The following RFX3 variants were observed in gnomAD, a reference collection of about 807,000 sequenced individuals.
RFX3 encodes transcription factor RFX3.
In RFX3, 14 loss-of-function variants were observed where a neutral mutation model predicts 98.6. That is an observed-to-expected ratio of 0.14 (90% CI 0.09 to 0.22). RFX3 has a LOEUF of 0.22. Ranked by LOEUF, RFX3 falls within the 10% of genes least tolerant of loss-of-function variation. The pLI, the probability that RFX3 is intolerant of heterozygous loss-of-function variation, is 1.00. For synonymous variants in RFX3, 383 were observed against 328.4 expected (o/e 1.17, Z -1.80); for missense variants, 639 against 926.9 (o/e 0.69, Z 4.03).
rs561579725 is a variant in RFX3, at chr9:3,375,777, G to T, written c.117+19695C>A. ...AGATCGAGACCATCCTGGCTAACACGGTGAAACCCCGCCTCTACTAAAAAT... is the reference window on the plus strand; with the variant it reads ...AGATCGAGACCATCCTGGCTAACACTGTGAAACCCCGCCTCTACTAAAAAT... On this transcript the variant is annotated intron_variant, in intron 2 of 16. Transcript: ENST00000617270. 1.1e-4 allele frequency among the ~76,000 whole-genome samples: 17 copies of T among 152,110 alleles called. 1 individual carries two copies. The South Asian group carries it at 3.5e-3, about 32-fold the overall frequency.
At chr9:3,294,020 GT>G (rs548023638) in intron 5 of RFX3, among the ~76,000 whole-genome samples, 222 of 152,158 alleles carry the variant, frequency 1.5e-3, no homozygotes, top group Non-Finnish European at 2.7e-3. Flanking sequence ...ACATTCTAAA[GT>G]TTTATGTTAT....
At chr9:3,276,163 CG>C (rs1825184454) in intron 8 of RFX3, among the ~76,000 whole-genome samples, 1 of 152,042 alleles carries the variant, frequency 6.6e-6, no homozygotes, top group Non-Finnish European at 1.5e-5. Flanking sequence ...TATTGACTGC[CG>C]CAGCACAGGA....
At chr9:3,454,124 T>C (rs557670705) in intron 1 of RFX3, among the ~76,000 whole-genome samples, 2 of 152,346 alleles carry the variant, frequency 1.3e-5, no homozygotes, top group South Asian at 2.1e-4. Flanking sequence ...GAATTAGGAA[T>C]GTCATTCCTT....
chr9:3,314,468 C>T (rs1046892631), intron 4 of RFX3, among the ~76,000 whole-genome samples: 9 of 152,084 alleles, frequency 5.9e-5, no homozygotes, highest in Non-Finnish European at 1.3e-4. Context: ...CATCAACTAA[C>T]GAGCAAAATA....
intron 1 of RFX3, among the ~76,000 whole-genome samples, chr9:3,522,848 TA>T (rs999403532): frequency 2.0e-5 from 3 of 152,120 alleles, no homozygotes; most frequent in Non-Finnish European, 4.4e-5. Flanking sequence ...TTGTTAATGG[TA>T]AAAAAATTAA....
chr9:3,438,197 A>C (rs916852618), intron 1 of RFX3, among the ~76,000 whole-genome samples: 1 of 152,128 alleles, frequency 6.6e-6, no homozygotes, highest in African/African-American at 2.4e-5. Flanking sequence ...TTCAAAACCA[A>C]CTACAATGTT....
chr9:3,504,189 T>C (rs1816398440), intron 1 of RFX3, among the ~76,000 whole-genome samples: 3 of 98,614 alleles, frequency 3.0e-5, no homozygotes, highest in Non-Finnish European at 5.2e-5. Context: ...ATACATATTA[T>C]ATATTATATA....
chr9:3,461,763 A>T (rs1286125657), intron 1 of RFX3, among the ~76,000 whole-genome samples: 1 of 152,002 alleles, frequency 6.6e-6, no homozygotes. Flanking sequence ...TCTATGGCTT[A>T]TTGATATTAA....
intron 1 of RFX3, among the ~76,000 whole-genome samples, chr9:3,497,695 C>T (rs1036239701): frequency 6.9e-6 from 1 of 145,760 alleles, no homozygotes; most frequent in Non-Finnish European, 1.5e-5. Flanking sequence ...ACATCTCTAC[C>T]TCAAGCAAAA....
intron 4 of RFX3, among the ~76,000 whole-genome samples, chr9:3,313,035 A>G (rs1830147652): frequency 6.6e-6 from 1 of 152,182 alleles, no homozygotes; most frequent in Admixed American, 6.5e-5. Context: ...CCAGCACAGA[A>G]TTTAAGATCT....
At position 3,388,783 on chromosome 9, in the gene RFX3, T is replaced by G. The variant is rs199824670; in HGVS notation, c.117+6689A>C. 2.2e-4 allele frequency among the ~76,000 whole-genome samples: 34 copies of G among 152,162 alleles called. 1 individual carries two copies. In the East Asian group the frequency reaches 6.6e-3, roughly 29 times the overall value. On this transcript the variant is annotated intron_variant, in intron 2 of 16. Coordinates refer to ENST00000617270, the MANE Select transcript of RFX3 (RefSeq NM_001282116.2). Reference sequence around the variant, plus strand: ...ATTTCAGCAAAATTGAAAGCTTCTTTGAAAAAAAGAAAATCTTGCTTTGAA... The same window carrying G: ...ATTTCAGCAAAATTGAAAGCTTCTTGGAAAAAAAGAAAATCTTGCTTTGAA...
intron 1 of RFX3, chr9:3,420,792 A>G (rs1450290879): frequency 2.0e-6 from 2 of 985,162 alleles, no homozygotes; most frequent in Non-Finnish European, 1.2e-6. Flanking sequence ...CCTTACCTCC[A>G]TTCATTCCTG....
At chr9:3,466,257 C>T (rs1848206295) in intron 1 of RFX3, among the ~76,000 whole-genome samples, 1 of 152,094 alleles carries the variant, frequency 6.6e-6, no homozygotes, top group Admixed American at 6.5e-5. Context: ...GGAAGGTATA[C>T]ATATATGCTT....
intron 6 of RFX3, among the ~76,000 whole-genome samples, chr9:3,290,291 A>G (rs943147641): frequency 6.6e-6 from 1 of 152,114 alleles, no homozygotes; most frequent in Non-Finnish European, 1.5e-5. Flanking sequence ...AAGCGGCAAT[A>G]TTGCAATACG....
intron 2 of RFX3, among the ~76,000 whole-genome samples, chr9:3,363,631 T>C (rs1836720481): frequency 2.0e-5 from 3 of 152,206 alleles, no homozygotes; most frequent in Admixed American, 6.5e-5. Flanking sequence ...ATTTGATCTT[T>C]GCAAAAATCC....
At chr9:3,481,580 C>CA (rs919426482) in intron 1 of RFX3, among the ~76,000 whole-genome samples, 7 of 145,226 alleles carry the variant, frequency 4.8e-5, no homozygotes, top group East Asian at 2.0e-4. Context: ...GAATAAAAAG[C>CA]AAAAAAAAAT....
At chr9:3,479,346 TG>T (rs1481011817) in intron 1 of RFX3, among the ~76,000 whole-genome samples, 4 of 152,302 alleles carry the variant, frequency 2.6e-5, no homozygotes, top group African/African-American at 7.2e-5. Flanking sequence ...TGTAATATTC[TG>T]AATTTATAAT....
In RFX3 at chr9:3,447,089, G is replaced by A. The variant is rs181225968; in HGVS notation, c.-8-51493C>T. Among the ~76,000 whole-genome samples the A allele has an allele frequency of 2.5e-3, 387 of 152,148 alleles. 2 individuals carry two copies. The highest frequency in any genetic ancestry group is 8.8e-3 in the African/African-American group (364 of 41,534). ...GAATCCCTTAGTCTATGAAATTAAT[G>A]CCTTATACATGTAGGTTAAAAAAAA... is the stretch of plus-strand genomic sequence containing the variant. On this transcript the variant is annotated intron_variant, in intron 1 of 16. Coordinates refer to ENST00000617270, the MANE Select transcript of RFX3 (RefSeq NM_001282116.2).
At chr9:3,397,046 C>T (rs556550730) in intron 1 of RFX3, among the ~76,000 whole-genome samples, 2 of 152,268 alleles carry the variant, frequency 1.3e-5, no homozygotes, top group South Asian at 2.1e-4. Context: ...ACATTTAATA[C>T]AGTTGAAAGA....
Sources: allele counts gnomAD v4.1 joint callset (sites outside exome capture counted in the v4.1 genomes callset), GRCh38; gene constraint gnomAD v4.1.1; transcripts MANE v1.5; gene names NCBI Gene and HGNC (gene_info 2026-07-23, HGNC 2026-07-21).